The following CTIF variants were observed in gnomAD, a reference collection of about 807,000 sequenced individuals.
The protein encoded by CTIF is cap binding complex dependent translation initiation factor.
In CTIF, 21 loss-of-function variants were observed where a neutral mutation model predicts 66.0. The observed-to-expected ratio is 0.32, with a 90% confidence interval of 0.23 to 0.46. The LOEUF (loss-of-function observed/expected upper bound fraction) is 0.46. Among genes scored for constraint, CTIF ranks in the 20% least tolerant of loss-of-function variants. The pLI, the probability that CTIF is intolerant of heterozygous loss-of-function variation, is 1.00. For synonymous variants in CTIF, 345 were observed against 326.4 expected, an observed-to-expected ratio of 1.06 and a Z score of -0.62; for missense variants, 739 against 812.7, an observed-to-expected ratio of 0.91 and a Z score of 1.10.
rs1319763057 is a variant in CTIF at position 48,669,811 on chromosome 18, A to G, written c.432-858A>G. Among the ~76,000 whole-genome samples, 124 of 105,272 alleles carry G rather than the reference A, an allele frequency of 1.2e-3. 4 individuals carry two copies. Among genetic ancestry groups the G allele is most frequent in the African/African-American group, 4.3e-3 (120 of 27,790 alleles). The allele number at this position is 105,272 out of a possible 152,430, so 69.1% of individuals were successfully genotyped here. On this transcript the variant is annotated intron_variant, in intron 5 of 11. Transcript: ENST00000256413. ...TAAACATTTATATATATATATATAT[A>G]TATATATATATATATATATATATAT...
intron 10 of CTIF, among the ~76,000 whole-genome samples, chr18:48,817,753 C>G (rs141657346): frequency 6.7e-5 from 10 of 149,532 alleles, no homozygotes; most frequent in African/African-American, 2.5e-4. Context: ...CCAGCCTGGG[C>G]GACAGAGCGA....
At chr18:48,696,186 G>A (rs991699070) in intron 6 of CTIF, among the ~76,000 whole-genome samples, 7 of 152,334 alleles carry the variant, frequency 4.6e-5, no homozygotes, top group East Asian at 3.9e-4. Flanking sequence ...GGCATGGGGC[G>A]GGGGGCTTAG....
chr18:48,691,665 C>G (rs534634431), intron 6 of CTIF, among the ~76,000 whole-genome samples: 8 of 152,292 alleles, frequency 5.3e-5, no homozygotes, highest in African/African-American at 1.9e-4. Flanking sequence ...TCTTGTGAGT[C>G]TGTCCTCCTC....
chr18:48,632,530 C>T (rs905876329), intron 2 of CTIF, among the ~76,000 whole-genome samples: 1 of 152,160 alleles, frequency 6.6e-6, no homozygotes, highest in Non-Finnish European at 1.5e-5. Flanking sequence ...TAATGAACCC[C>T]AATGTGGGAC....
intron 8 of CTIF, among the ~76,000 whole-genome samples, chr18:48,760,001 A>C (rs1908802894): frequency 2.0e-5 from 3 of 152,164 alleles, no homozygotes; most frequent in Admixed American, 1.3e-4. Context: ...CATTTTCATC[A>C]GGGAGAGCAA....
chr18:48,807,736 T>A (rs2068179773), intron 9 of CTIF, among the ~76,000 whole-genome samples: 1 of 152,098 alleles, frequency 6.6e-6, no homozygotes, highest in Non-Finnish European at 1.5e-5. Flanking sequence ...TGTGCTGCTA[T>A]GCCCAGCTAA....
intron 3 of CTIF, among the ~76,000 whole-genome samples, chr18:48,657,380 C>G (rs867023106): frequency 1.3e-5 from 2 of 152,184 alleles, no homozygotes; most frequent in Middle Eastern, 3.4e-3. Context: ...ATTTTTTTCC[C>G]TGTTAAAACT....
At chr18:48,570,738 A>G (rs1421037529) in intron 1 of CTIF, among the ~76,000 whole-genome samples, 1 of 152,190 alleles carries the variant, frequency 6.6e-6, no homozygotes, top group African/African-American at 2.4e-5. Context: ...CTTTATATGC[A>G]GAGGCCTGGA....
chr18:48,737,644 T>C (rs1377584594), intron 7 of CTIF, among the ~76,000 whole-genome samples: 1 of 152,006 alleles, frequency 6.6e-6, no homozygotes, highest in African/African-American at 2.4e-5. Flanking sequence ...TAAGAAAAAG[T>C]ATATGTAGTA....
At chr18:48,665,075 C>G (rs983016451) in intron 5 of CTIF, among the ~76,000 whole-genome samples, 5 of 151,778 alleles carry the variant, frequency 3.3e-5, no homozygotes, top group African/African-American at 1.2e-4. Flanking sequence ...CCACCGCGCC[C>G]GGCTAATTTT....
intron 1 of CTIF, among the ~76,000 whole-genome samples, chr18:48,563,384 C>A (rs1415351235): frequency 6.6e-6 from 1 of 152,262 alleles, no homozygotes; most frequent in Non-Finnish European, 1.5e-5. Flanking sequence ...ACTATGGTAT[C>A]TACTCAGTTT....
In CTIF at chr18:48,861,921, A is replaced by G. The variant is rs977572634; in HGVS notation, c.*2362A>G. 1 of 152,184 alleles carries G rather than the reference A, an allele frequency of 6.6e-6. No homozygotes were observed. Among genetic ancestry groups the G allele is most frequent in the Non-Finnish European group, 1.5e-5 (1 of 68,028 alleles). The allele number at this position is 152,184 out of a possible 1,614,324, so 9.4% of individuals were successfully genotyped here. A position where few individuals can be genotyped will look rare whatever the true frequency, so the allele number is the denominator to read the frequency against. ...ATGTCGTGTCACGGTGGCTCCAGAC[A>G]TACTGTTTGCCTAGTTTATTCCACT... On this transcript the variant is annotated 3_prime_UTR_variant, in exon 12 of 12. Coordinates refer to ENST00000256413, the MANE Select transcript of CTIF (RefSeq NM_014772.3).
At chr18:48,802,333 C>G (rs2068064874) in intron 9 of CTIF, among the ~76,000 whole-genome samples, 1 of 152,256 alleles carries the variant, frequency 6.6e-6, no homozygotes, top group Non-Finnish European at 1.5e-5. Flanking sequence ...CCCTCGGCCT[C>G]TCTCCTGGGC....
chr18:48,718,657 G>A (rs1274067439), intron 7 of CTIF, among the ~76,000 whole-genome samples: 1 of 152,088 alleles, frequency 6.6e-6, no homozygotes, highest in African/African-American at 2.4e-5. Flanking sequence ...CACACTGGGA[G>A]AGAGATCTTT....
At chr18:48,720,078 A>G (rs1227253544) in intron 7 of CTIF, among the ~76,000 whole-genome samples, 1 of 152,238 alleles carries the variant, frequency 6.6e-6, no homozygotes, top group Non-Finnish European at 1.5e-5. Flanking sequence ...ATAGTTCAGT[A>G]TTCACTAATT....
chr18:48,808,295 C>A (rs1014553859), intron 9 of CTIF, among the ~76,000 whole-genome samples: 1 of 152,124 alleles, frequency 6.6e-6, no homozygotes, highest in South Asian at 2.1e-4. Flanking sequence ...ATGCCCTTTC[C>A]CCATTTGTTC....
chr18:48,592,982 C>A (rs1291420410), intron 1 of CTIF, among the ~76,000 whole-genome samples: 1 of 152,252 alleles, frequency 6.6e-6, no homozygotes, highest in African/African-American at 2.4e-5. Context: ...GGAACCACAG[C>A]TGGGCTGGTG....
chr18:48,860,144 C>T lies in CTIF; in HGVS notation c.*585C>T. On this transcript the variant is annotated 3_prime_UTR_variant, in exon 12 of 12. Transcript: ENST00000256413. Reference sequence around the variant, plus strand: ...CAGCCATGGCAGAGCTGACGCTCCACCTCCCACCTCCAAGTCCTCCTCACT... The same window carrying T: ...CAGCCATGGCAGAGCTGACGCTCCATCTCCCACCTCCAAGTCCTCCTCACT... The T allele has an allele frequency of 5.5e-6, 2 of 364,466 alleles. No homozygotes were observed. Among genetic ancestry groups the T allele is most frequent in the South Asian group, 2.0e-5 (1 of 50,484 alleles). 22.6% of individuals were successfully genotyped at this position (364,466 alleles called of 1,614,324 possible). A position where few individuals can be genotyped will look rare whatever the true frequency, so the allele number is the denominator to read the frequency against.
At chr18:48,803,722 A>C (rs2068090073) in intron 9 of CTIF, among the ~76,000 whole-genome samples, 1 of 152,190 alleles carries the variant, frequency 6.6e-6, no homozygotes, top group South Asian at 2.1e-4. Flanking sequence ...TCATGTGATG[A>C]GCAGGGCCAG....
Sources: gnomAD v4.1 joint callset for allele counts (sites outside exome capture counted in the v4.1 genomes callset) on GRCh38, gnomAD v4.1.1 for gene constraint, MANE v1.5 for transcripts, NCBI Gene and HGNC (gene_info 2026-07-23, HGNC 2026-07-21) for gene names.